Variants in FSTL4 observed in about 807,000 individuals in gnomAD.
FSTL4 encodes follistatin-related protein 4.
In FSTL4, 28 loss-of-function variants were observed where a neutral mutation model predicts 78.2. The ratio of observed to expected loss-of-function variants is 0.36; its 90% CI spans 0.27 to 0.49. The LOEUF (loss-of-function observed/expected upper bound fraction) is 0.49. FSTL4 is among the 20% of genes least tolerant of loss of function. FSTL4 has a pLI of 0.98. For missense variants in FSTL4, 922 were observed against 1,084.9 expected, an observed-to-expected ratio of 0.85 and a Z score of 2.11; for synonymous variants, 422 against 440.5, an observed-to-expected ratio of 0.96 and a Z score of 0.53.
At chr5:133,272,030 A>T (rs529642567) in intron 6 of FSTL4, among the ~76,000 whole-genome samples, 1 of 152,176 alleles carries the variant, frequency 6.6e-6, no homozygotes, top group East Asian at 1.9e-4. Context: ...TCTCACCCCC[A>T]GCTTCCTAAG....
chr5:133,644,220 C>T, the FSTL4 span, among the ~76,000 whole-genome samples: 5 of 152,142 alleles, frequency 3.3e-5, no homozygotes, highest in African/African-American at 1.2e-4. Flanking sequence ...CGCTAGAGTC[C>T]GAGCTTGCAG....
At chr5:133,664,990 C>A in the FSTL4 span, among the ~76,000 whole-genome samples, 1 of 152,146 alleles carries the variant, frequency 6.6e-6, no homozygotes, top group African/African-American at 2.4e-5. Flanking sequence ...ACCTACCCAG[C>A]CGGAGCTAAG....
chr5:133,803,175 T>G, the FSTL4 span, among the ~76,000 whole-genome samples: 1 of 152,224 alleles, frequency 6.6e-6, no homozygotes, highest in Non-Finnish European at 1.5e-5. Flanking sequence ...TCTCACTTTG[T>G]GAGTCAAACA....
chr5:133,739,532 A>G, the FSTL4 span, among the ~76,000 whole-genome samples: 2 of 152,160 alleles, frequency 1.3e-5, no homozygotes, highest in Non-Finnish European at 2.9e-5. Flanking sequence ...AGAATTTCTG[A>G]GATGAGTAGA....
At chr5:133,321,490 CT>C (rs1380939784) in intron 4 of FSTL4, among the ~76,000 whole-genome samples, 5 of 152,206 alleles carry the variant, frequency 3.3e-5, no homozygotes, top group African/African-American at 1.2e-4. Flanking sequence ...GTGGCAGAGG[CT>C]TGGGGACCAC....
At chr5:133,451,846 G>A (rs183613987) in intron 3 of FSTL4, among the ~76,000 whole-genome samples, 2 of 152,298 alleles carry the variant, frequency 1.3e-5, no homozygotes, top group Non-Finnish European at 2.9e-5. Flanking sequence ...GTCTGGCAAC[G>A]GATTTGCTGT....
intron 3 of FSTL4, among the ~76,000 whole-genome samples, chr5:133,404,417 G>T (rs111992317): frequency 0.011 from 1,630 of 152,152 alleles, 33 homozygotes; most frequent in African/African-American, 0.037. Context: ...AAGTACAATG[G>T]GCTTAATTTA....
At chr5:133,812,959 G>T in the FSTL4 span, among the ~76,000 whole-genome samples, 321 of 152,342 alleles carry the variant, frequency 2.1e-3, 1 homozygote, top group Middle Eastern at 6.8e-3. Context: ...ACTGGGCTGA[G>T]GTTTCCAAAA....
the FSTL4 span, among the ~76,000 whole-genome samples, chr5:133,671,852 A>C: frequency 6.6e-6 from 1 of 152,246 alleles, no homozygotes; most frequent in Non-Finnish European, 1.5e-5. Context: ...GGACCAGTAT[A>C]AGCATGCCAG....
chr5:133,710,263 C>A, the FSTL4 span, among the ~76,000 whole-genome samples: 1 of 152,166 alleles, frequency 6.6e-6, no homozygotes, highest in Non-Finnish European at 1.5e-5. Context: ...CCAAACCATC[C>A]CTTCCTGGGA....
In FSTL4 at chr5:133,589,300, A is replaced by AAAAAAAAAT. The variant is rs1208142898; in HGVS notation, c.126+14557_126+14558insATTTTTTTT. On this transcript the variant is annotated intron_variant, in intron 2 of 15. Coordinates refer to ENST00000265342, the MANE Select transcript of FSTL4 (RefSeq NM_015082.2). Reference sequence around the variant, plus strand: ...TTAGAGTATAATAAAAAAAAAAAAAAAGATCAAGGCCCCAGAACCTTGCTT... The same window carrying AAAAAAAAAT: ...TTAGAGTATAATAAAAAAAAAAAAAAAAAAAAAATAGATCAAGGCCCCAGAACCTTGCTT... Among the ~76,000 whole-genome samples the AAAAAAAAAT allele has an allele frequency of 4.8e-4, 72 of 148,522 alleles. 5 individuals carry two copies. Among genetic ancestry groups the AAAAAAAAAT allele is most frequent in the African/African-American group, 1.8e-3 (70 of 39,896 alleles).
chr5:133,800,697 C>T, the FSTL4 span, among the ~76,000 whole-genome samples: 12 of 110,204 alleles, frequency 1.1e-4, 2 homozygotes, highest in East Asian at 1.5e-3. Flanking sequence ...AATATAAGCC[C>T]GGAGCTACAA....
Position 133,284,206 on chromosome 5 carries a change from C to T in FSTL4, c.727+28448G>A, listed in dbSNP as rs559117325. Among the ~76,000 whole-genome samples, 11 of 152,326 alleles carry T rather than the reference C, an allele frequency of 7.2e-5. No individual in the cohort carries two copies. In the South Asian group the frequency reaches 1.7e-3, roughly 23 times the overall value. On this transcript the variant is annotated intron_variant, in intron 6 of 15. Transcript: ENST00000265342. ...CTGCCCAGCACTGTCCCTTCTCTCACGCTGATCCAGCCCCAACCTCAGAGA... is the reference window on the plus strand; with the variant it reads ...CTGCCCAGCACTGTCCCTTCTCTCATGCTGATCCAGCCCCAACCTCAGAGA...
intron 3 of FSTL4, among the ~76,000 whole-genome samples, chr5:133,532,270 C>T (rs1759269666): frequency 6.6e-6 from 1 of 152,206 alleles, no homozygotes; most frequent in African/African-American, 2.4e-5. Flanking sequence ...GAAGAACTGC[C>T]TCTGCACTTG....
intron 6 of FSTL4, among the ~76,000 whole-genome samples, chr5:133,275,201 T>C (rs940769517): frequency 6.6e-6 from 1 of 151,510 alleles, no homozygotes; most frequent in Non-Finnish European, 1.5e-5. Flanking sequence ...GAAGTGGAGG[T>C]TGCAATGAGC....
At chr5:133,532,062 C>A (rs973219263) in intron 3 of FSTL4, among the ~76,000 whole-genome samples, 2 of 152,278 alleles carry the variant, frequency 1.3e-5, no homozygotes, top group African/African-American at 4.8e-5. Context: ...AATTATCCTG[C>A]AAGATCCAGG....
intron 3 of FSTL4, among the ~76,000 whole-genome samples, chr5:133,467,196 G>A (rs1437856645): frequency 1.3e-5 from 2 of 151,248 alleles, no homozygotes; most frequent in Non-Finnish European, 2.9e-5. Context: ...GTGTATGTGA[G>A]TATATGAGTG....
intron 6 of FSTL4, among the ~76,000 whole-genome samples, chr5:133,274,026 C>G (rs1231057985): frequency 1.3e-5 from 2 of 152,250 alleles, no homozygotes; most frequent in Non-Finnish European, 2.9e-5. Context: ...CATGATGAGA[C>G]ACTTAGGATA....
chr5:133,656,903 G>A, the FSTL4 span, among the ~76,000 whole-genome samples: 1 of 152,186 alleles, frequency 6.6e-6, no homozygotes, highest in South Asian at 2.1e-4. Flanking sequence ...TTGCACTAGA[G>A]TGGTGTTTTA....
Sources: allele counts gnomAD v4.1 joint callset (sites outside exome capture counted in the v4.1 genomes callset), GRCh38; gene constraint gnomAD v4.1.1; transcripts MANE v1.5; gene names NCBI Gene and HGNC (gene_info 2026-07-23, HGNC 2026-07-21).